CNTN5: variants seen among roughly 807,000 people sequenced by gnomAD.
CNTN5 encodes contactin 5.
CNTN5 carries 77 observed loss-of-function variants against 129.1 expected under a neutral mutation model. That is an observed-to-expected ratio of 0.60 (90% CI 0.50 to 0.72). The LOEUF (loss-of-function observed/expected upper bound fraction) is 0.72. Among genes scored for constraint, CNTN5 ranks in the 30% least tolerant of loss-of-function variants. The pLI is 0.00. For synonymous variants in CNTN5, 509 were observed against 465.6 expected, an observed-to-expected ratio of 1.09 and a Z score of -1.20; for missense variants, 1,478 against 1,328.8, an observed-to-expected ratio of 1.11 and a Z score of -1.75.
chr11:99,213,269 AAT>A (rs1565407817), intron 1 of CNTN5, among the ~76,000 whole-genome samples: 1 of 145,954 alleles, frequency 6.9e-6, no homozygotes, highest in Non-Finnish European at 1.5e-5. Flanking sequence ...ATATATATAA[AAT>A]ATATATACAT....
chr11:99,879,151 T>C (rs1948709018), intron 6 of CNTN5, among the ~76,000 whole-genome samples: 1 of 152,026 alleles, frequency 6.6e-6, no homozygotes, highest in Non-Finnish European at 1.5e-5. Context: ...TTGGCCGGGC[T>C]GGTCTCGAAC....
chr11:99,833,898 G>A (rs1017313744), intron 4 of CNTN5, among the ~76,000 whole-genome samples: 4 of 152,024 alleles, frequency 2.6e-5, no homozygotes, highest in Non-Finnish European at 5.9e-5. Flanking sequence ...GACATTTGTG[G>A]GGGTAGTCTC....
In CNTN5 at chr11:99,726,924, TG is replaced by T. The variant is rs745492880; in HGVS notation, c.56-92619del. On this transcript the variant is annotated intron_variant, in intron 3 of 24. Transcript: ENST00000524871. ...TAAAAATATGTATTAGACACCGACTTGAAAAAAATTTACATAAAAGATAATA... is the reference window on the plus strand; with the variant it reads ...TAAAAATATGTATTAGACACCGACTTAAAAAAATTTACATAAAAGATAATA... Among the ~76,000 whole-genome samples, 10 of 152,274 alleles carry T rather than the reference TG, an allele frequency of 6.6e-5. No homozygotes were observed. The East Asian group carries it at 1.9e-3, about 29-fold the overall frequency.
intron 1 of CNTN5, among the ~76,000 whole-genome samples, chr11:99,216,787 G>T (rs1860144939): frequency 6.6e-6 from 1 of 152,088 alleles, no homozygotes; most frequent in South Asian, 2.1e-4. Context: ...AATGGGATCA[G>T]AGAAAGCTTC....
chr11:99,070,229 G>C (rs1400332545), intron 1 of CNTN5, among the ~76,000 whole-genome samples: 1 of 152,100 alleles, frequency 6.6e-6, no homozygotes, highest in Non-Finnish European at 1.5e-5. Flanking sequence ...TGAGTGACGA[G>C]AGAAGATCAT....
chr11:99,358,321 C>T (rs954681191), intron 2 of CNTN5, among the ~76,000 whole-genome samples: 5 of 136,510 alleles, frequency 3.7e-5, no homozygotes, highest in Admixed American at 8.3e-5. Context: ...ATCTCAATCT[C>T]CTGACCTCGT....
chr11:99,999,625 A>C (rs976186447), intron 8 of CNTN5, among the ~76,000 whole-genome samples: 5 of 152,184 alleles, frequency 3.3e-5, no homozygotes, highest in African/African-American at 7.2e-5. Flanking sequence ...CAGAACTAGA[A>C]ATACCATTTG....
chr11:99,683,170 A>C (rs1004987723), intron 3 of CNTN5, among the ~76,000 whole-genome samples: 1 of 151,830 alleles, frequency 6.6e-6, no homozygotes, highest in Admixed American at 6.6e-5. Flanking sequence ...TATTGAATCC[A>C]ATTTTTTTAT....
chr11:99,236,872 T>A (rs1000607321), intron 1 of CNTN5, among the ~76,000 whole-genome samples: 11 of 152,200 alleles, frequency 7.2e-5, no homozygotes, highest in Non-Finnish European at 1.2e-4. Flanking sequence ...TCTCGGAGTC[T>A]GCCCAGTGCA....
chr11:99,843,807 C>A (rs569841347), intron 4 of CNTN5, among the ~76,000 whole-genome samples: 1 of 152,250 alleles, frequency 6.6e-6, no homozygotes, highest in South Asian at 2.1e-4. Flanking sequence ...GACTGAGAAA[C>A]CTGATCTAGG....
At chr11:100,022,206 A>G (rs1313825487) in intron 9 of CNTN5, among the ~76,000 whole-genome samples, 1 of 152,334 alleles carries the variant, frequency 6.6e-6, no homozygotes, top group East Asian at 1.9e-4. Flanking sequence ...ATTATTTGCA[A>G]GGTGTATTAT....
At chr11:99,142,350 G>T (rs7105720) in intron 1 of CNTN5, among the ~76,000 whole-genome samples, 10 of 152,020 alleles carry the variant, frequency 6.6e-5, no homozygotes, top group African/African-American at 2.4e-4. Context: ...TAAAACTGTC[G>T]GTGCAGGCTG....
At chr11:100,196,778 A>C (rs549263834) in intron 15 of CNTN5, among the ~76,000 whole-genome samples, 2 of 152,002 alleles carry the variant, frequency 1.3e-5, no homozygotes, top group Admixed American at 1.3e-4. Flanking sequence ...CAGTTAGTAC[A>C]TAAACATTTG....
chr11:99,371,797 CA>C, intron 2 of CNTN5, among the ~76,000 whole-genome samples: 1 of 152,182 alleles, frequency 6.6e-6, no homozygotes, highest in East Asian at 1.9e-4. Context: ...CACCCCATAC[CA>C]AAAGAAAAAT....
intron 6 of CNTN5, among the ~76,000 whole-genome samples, chr11:99,871,400 T>C (rs534786090): frequency 6.6e-6 from 1 of 152,210 alleles, no homozygotes; most frequent in African/African-American, 2.4e-5. Context: ...CTGGATTGTT[T>C]AAATTGCAAA....
intron 2 of CNTN5, among the ~76,000 whole-genome samples, chr11:99,457,893 G>C (rs1317238743): frequency 1.3e-5 from 2 of 151,506 alleles, no homozygotes; most frequent in Admixed American, 6.6e-5. Flanking sequence ...CCCGCTGCAG[G>C]ATTTTAGATT....
intron 6 of CNTN5, among the ~76,000 whole-genome samples, chr11:99,914,825 T>G (rs949526665): frequency 3.9e-5 from 6 of 152,076 alleles, no homozygotes; most frequent in Non-Finnish European, 7.4e-5. Flanking sequence ...TGGTTATACA[T>G]TCAGCAAAAT....
In CNTN5 at chr11:99,809,123, C is replaced by T. The variant is rs187715536; in HGVS notation, c.56-10421C>T. Among the ~76,000 whole-genome samples the T allele has an allele frequency of 6.2e-3, 943 of 152,132 alleles. 4 individuals are homozygous for T. Among genetic ancestry groups the T allele is most frequent in the Non-Finnish European group, 0.01 (700 of 67,992 alleles). ...TGTGGAGTGAGGACTCCCCCAGGCC[C>T]GGGAAAAATTTTTGTTTACTCTATG... On this transcript the variant is annotated intron_variant, in intron 3 of 24. Coordinates refer to ENST00000524871, the MANE Select transcript of CNTN5 (RefSeq NM_014361.4).
chr11:99,245,581 A>C (rs992952209), intron 1 of CNTN5, among the ~76,000 whole-genome samples: 11 of 152,152 alleles, frequency 7.2e-5, no homozygotes, highest in African/African-American at 2.4e-4. Context: ...TCGGCCTCCC[A>C]AAGTGCTGAA....
Sources: allele counts gnomAD v4.1 joint callset (sites outside exome capture counted in the v4.1 genomes callset), GRCh38; gene constraint gnomAD v4.1.1; transcripts MANE v1.5; gene names NCBI Gene and HGNC (gene_info 2026-07-23, HGNC 2026-07-21).